Variants in ATF3 observed in about 807,000 individuals in gnomAD.
ATF3 encodes the protein activating transcription factor 3, also known as cyclic AMP-dependent transcription factor ATF-3.
Under a neutral mutation model 18.4 loss-of-function variants are expected in ATF3, and 10 were observed. The ratio of observed to expected loss-of-function variants is 0.54; its 90% CI spans 0.34 to 0.92. ATF3 has a LOEUF of 0.92. ATF3 is among the 40% of genes least tolerant of loss of function. ATF3 has a pLI of 0.02. For synonymous variants in ATF3, 78 were observed against 87.9 expected, an observed-to-expected ratio of 0.89 and a Z score of 0.63; for missense variants, 183 against 222.3, an observed-to-expected ratio of 0.82 and a Z score of 1.12.
chr1:212,612,622 AT>A (rs1654941501), intron 1 of ATF3, among the ~76,000 whole-genome samples: 1 of 152,232 alleles, frequency 6.6e-6, no homozygotes, highest in Admixed American at 6.5e-5. Context: ...AGATTATAGG[AT>A]TAAATTGAGA....
At position 212,619,184 on chromosome 1, in the gene ATF3, G is replaced by T; in HGVS notation, c.349-174G>T. 1.2e-6 allele frequency: 2 copies of T among 1,612,612 alleles called. No homozygotes were observed. Among genetic ancestry groups the T allele is most frequent in the South Asian group, 1.1e-5 (1 of 90,980 alleles). On this transcript the variant is annotated intron_variant, in intron 3 of 3. Coordinates refer to ENST00000341491, the MANE Select transcript of ATF3 (RefSeq NM_001674.4). This position sits in a 1 kb window ranked among gnomAD's most constrained non-coding sequence, Gnocchi z 4.4. ...ATCACCAGGGTTTCTCTGAAGAAGA[G>T]GGTCTGCATTTTCCTAAACCCAGTG...
chr1:212,590,883 A>G lies in ATF3; in HGVS notation c.-4-24135A>G, dbSNP rs113355066. On this transcript the variant is annotated intron_variant, in intron 1 of 3. Coordinates refer to the ATF3 transcript ENST00000366981. The stretch of plus-strand genomic sequence containing the variant: ...TTACTATAAGGTAAGGGCGCCAACC[A>G]CTTAGATGAGGAGGAAAGACCTCAC... Among the ~76,000 whole-genome samples the G allele has an allele frequency of 1.7e-3, 260 of 152,360 alleles. 2 individuals carry two copies. The highest frequency in any genetic ancestry group is 6.1e-3 in the African/African-American group (252 of 41,586).
In ATF3 at chr1:212,619,254, C is replaced by T. The variant is rs1357331667; in HGVS notation, c.349-104C>T. On this transcript the variant is annotated intron_variant, in intron 3 of 3. Coordinates refer to ENST00000341491, the MANE Select transcript of ATF3 (RefSeq NM_001674.4). The surrounding 1 kb of genome is among the most constrained non-coding windows in gnomAD (Gnocchi z 4.4). The stretch of plus-strand genomic sequence containing the variant: ...CTTCCTCTCGCAGCTTGATGAGCCC[C>T]GGTGTGTCCCAGGTACACCCCTGCA... The T allele has an allele frequency of 9.3e-6, 15 of 1,610,850 alleles. No homozygotes were observed. The highest frequency in any genetic ancestry group is 1.7e-5 in the Admixed American group (1 of 59,894).
At chr1:212,571,573 T>G (rs111553500) in intron 1 of ATF3, among the ~76,000 whole-genome samples, 12 of 150,508 alleles carry the variant, frequency 8.0e-5, no homozygotes, top group African/African-American at 2.4e-4. Context: ...CTGGCTAGTT[T>G]TTGTATTTTT....
intron 1 of ATF3, among the ~76,000 whole-genome samples, chr1:212,566,719 G>T (rs969056338): frequency 3.9e-5 from 6 of 152,212 alleles, no homozygotes; most frequent in Non-Finnish European, 8.8e-5. Context: ...GCTCACAAAA[G>T]TGTCTGAGGG....
intron 1 of ATF3, among the ~76,000 whole-genome samples, chr1:212,568,254 C>G (rs1362279966): frequency 1.3e-5 from 2 of 152,156 alleles, no homozygotes; most frequent in East Asian, 3.8e-4. Flanking sequence ...TTCACTTATA[C>G]ATAAGTTATT....
At chr1:212,597,330 A>G (rs1479084457) in intron 1 of ATF3, among the ~76,000 whole-genome samples, 1 of 152,204 alleles carries the variant, frequency 6.6e-6, no homozygotes, top group Non-Finnish European at 1.5e-5. Flanking sequence ...CACAAAATTG[A>G]AGAACTGTAA....
intron 1 of ATF3, among the ~76,000 whole-genome samples, chr1:212,602,149 A>G (rs1654499442): frequency 1.3e-5 from 2 of 152,332 alleles, no homozygotes; most frequent in African/African-American, 2.4e-5. Context: ...ACTCAGTTCT[A>G]TCTGACCACA....
upstream of ATF3, among the ~76,000 whole-genome samples, chr1:212,604,391 G>A (rs1237917767): frequency 1.3e-5 from 2 of 152,168 alleles, no homozygotes; most frequent in Non-Finnish European, 2.9e-5. Context: ...TGTAGACCAA[G>A]GTAGATGTCT....
intron 1 of ATF3, among the ~76,000 whole-genome samples, chr1:212,601,461 ACAT>A (rs1654483051): frequency 6.6e-6 from 1 of 152,238 alleles, no homozygotes; most frequent in Admixed American, 6.5e-5. Flanking sequence ...AAGTAAACAC[ACAT>A]CATGCTCTCT....
chr1:212,585,033 A>G (rs914039868), intron 1 of ATF3, among the ~76,000 whole-genome samples: 1 of 152,170 alleles, frequency 6.6e-6, no homozygotes, highest in African/African-American at 2.4e-5. Context: ...CCTGTCAGAT[A>G]CCAAAAGGAG....
chr1:212,613,948 C>G (rs2102656155), intron 1 of ATF3: 1 of 152,280 alleles, frequency 6.6e-6, no homozygotes, highest in Admixed American at 6.5e-5. Context: ...TGAAGCTTCT[C>G]CCTCGGAAGT....
At chr1:212,598,524 T>C (rs919312856) in intron 1 of ATF3, among the ~76,000 whole-genome samples, 4 of 152,260 alleles carry the variant, frequency 2.6e-5, no homozygotes, top group African/African-American at 9.6e-5. Context: ...TTGACTACAG[T>C]CACCTTGCGG....
chr1:212,573,755 C>T (rs1051456441), intron 1 of ATF3, among the ~76,000 whole-genome samples: 4 of 151,684 alleles, frequency 2.6e-5, no homozygotes, highest in African/African-American at 7.2e-5. Context: ...GTTCTTCAGC[C>T]GTGATTGGCA....
chr1:212,600,045 C>T (rs73077743), intron 1 of ATF3, among the ~76,000 whole-genome samples: 1 of 152,220 alleles, frequency 6.6e-6, no homozygotes, highest in African/African-American at 2.4e-5. Context: ...TTTCAGTACA[C>T]ATAAGAGCAT....
At chr1:212,608,476 G>A (rs1365420840), upstream of ATF3, among the ~76,000 whole-genome samples, 1 of 152,186 alleles carries the variant, frequency 6.6e-6, no homozygotes, top group Non-Finnish European at 1.5e-5. Context: ...CTCCGGTCCT[G>A]ATATGGAGAG....
chr1:212,569,594 T>C (rs78266087), intron 1 of ATF3, among the ~76,000 whole-genome samples: 1 of 151,232 alleles, frequency 6.6e-6, no homozygotes, highest in Non-Finnish European at 1.5e-5. Context: ...AACCAGTAAA[T>C]TTTTTTTTGG....
intron 1 of ATF3, among the ~76,000 whole-genome samples, chr1:212,579,751 A>G (rs1664645236): frequency 1.3e-5 from 2 of 152,210 alleles, no homozygotes; most frequent in South Asian, 4.1e-4. Context: ...TGCTGTATCC[A>G]GATGTGATGG....
At chr1:212,600,467 A>G (rs946985352) in intron 1 of ATF3, among the ~76,000 whole-genome samples, 4 of 152,226 alleles carry the variant, frequency 2.6e-5, no homozygotes, top group Non-Finnish European at 4.4e-5. Context: ...CATCCACTGA[A>G]TGCGTATTCA....
Sources: allele counts gnomAD v4.1 joint callset (sites outside exome capture counted in the v4.1 genomes callset), GRCh38; gene constraint gnomAD v4.1.1; non-coding constraint Gnocchi (gnomAD v3.1); transcripts MANE v1.5; gene names NCBI Gene and HGNC (gene_info 2026-07-23, HGNC 2026-07-21).